The following GPC6 variants were observed in gnomAD, a reference collection of about 807,000 sequenced individuals.
GPC6 encodes the protein glypican-6.
Under a neutral mutation model 55.2 loss-of-function variants are expected in GPC6, and 14 were observed. That is an observed-to-expected ratio of 0.25 (90% CI 0.17 to 0.40). GPC6 has a LOEUF of 0.40. Among genes scored for constraint, GPC6 ranks in the 10% least tolerant of loss-of-function variants. GPC6 has a pLI of 1.00. For synonymous variants in GPC6, 278 were observed against 259.6 expected, an observed-to-expected ratio of 1.07 and a Z score of -0.68; for missense variants, 641 against 708.5, an observed-to-expected ratio of 0.90 and a Z score of 1.08.
chr13:93,508,770 T>G (rs2139381431), intron 1 of GPC6, among the ~76,000 whole-genome samples: 1 of 152,232 alleles, frequency 6.6e-6, no homozygotes, highest in South Asian at 2.1e-4. Flanking sequence ...AATGTGGATC[T>G]TTTCTAGGGA....
intron 6 of GPC6, among the ~76,000 whole-genome samples, chr13:94,333,258 C>A (rs1293648622): frequency 1.3e-5 from 2 of 152,146 alleles, no homozygotes; most frequent in Admixed American, 6.5e-5. Context: ...TCATATTTTG[C>A]CCTTTTCCAG....
intron 1 of GPC6, among the ~76,000 whole-genome samples, chr13:93,254,224 G>T (rs1013579247): frequency 1.3e-5 from 2 of 152,222 alleles, no homozygotes; most frequent in East Asian, 3.9e-4. Context: ...TACCGAAGAG[G>T]CTGAGAAGAG....
At chr13:93,952,382 A>G (rs1487937025) in intron 3 of GPC6, among the ~76,000 whole-genome samples, 1 of 152,144 alleles carries the variant, frequency 6.6e-6, no homozygotes. Context: ...CTAAATTAAA[A>G]TCCTGAGTTG....
intron 2 of GPC6, among the ~76,000 whole-genome samples, chr13:93,789,159 A>G (rs892585989): frequency 2.0e-5 from 3 of 152,156 alleles, no homozygotes; most frequent in African/African-American, 2.4e-5. Flanking sequence ...TCTGAAAGAG[A>G]AAATAAGAGC....
intron 6 of GPC6, among the ~76,000 whole-genome samples, chr13:94,335,471 C>T (rs1018667287): frequency 8.6e-5 from 13 of 152,024 alleles, no homozygotes; most frequent in South Asian, 4.2e-4. Flanking sequence ...GAGACCTTTA[C>T]GAATAACACA....
At chr13:93,727,198 A>T (rs979076090) in intron 2 of GPC6, among the ~76,000 whole-genome samples, 1 of 152,158 alleles carries the variant, frequency 6.6e-6, no homozygotes. Flanking sequence ...AACTCTGAAG[A>T]TAATAGTAAT....
Position 93,844,610 on chromosome 13 carries a change from T to C in GPC6, c.711+14065T>C, listed in dbSNP as rs554753086. 1.7e-4 allele frequency among the ~76,000 whole-genome samples: 25 copies of C among 150,026 alleles called. 1 individual carries two copies. Among genetic ancestry groups the C allele is most frequent in the South Asian group, 6.5e-4 (3 of 4,584 alleles). ...GTTGTAGGTTGCCTGTTCACTCTGA[T>C]GGTAGTTTCTTTTGCTGTGCAGAAG... On this transcript the variant is annotated intron_variant, in intron 3 of 8. Coordinates refer to ENST00000377047, the MANE Select transcript of GPC6 (RefSeq NM_005708.5).
chr13:93,815,368 A>G (rs1594480793), intron 2 of GPC6, among the ~76,000 whole-genome samples: 1 of 152,160 alleles, frequency 6.6e-6, no homozygotes, highest in Non-Finnish European at 1.5e-5. Flanking sequence ...AAATATAAAC[A>G]ATTTGAAATT....
rs1886117934 is a variant in GPC6, at chr13:93,793,738, ATAT to A, written c.320-36413_320-36411del. On this transcript the variant is annotated intron_variant, in intron 2 of 8. Transcript: ENST00000377047. Reference sequence around the variant, plus strand: ...ATACTAGTAGTTATCAAATAAAAAGATATTAATATCTAAGCTATAGAATTATTT... The same window carrying A: ...ATACTAGTAGTTATCAAATAAAAAGATAATATCTAAGCTATAGAATTATTT... Among the ~76,000 whole-genome samples the A allele has an allele frequency of 2.6e-5, 4 of 152,354 alleles. No homozygotes were observed. In the South Asian group the frequency reaches 8.3e-4, roughly 32 times the overall value.
chr13:93,890,163 T>C (rs1287110523), intron 3 of GPC6, among the ~76,000 whole-genome samples: 1 of 152,120 alleles, frequency 6.6e-6, no homozygotes, highest in Non-Finnish European at 1.5e-5. Context: ...ATATTTGCTG[T>C]GGTTCCTGAT....
At chr13:93,394,260 T>C (rs557973695) in intron 1 of GPC6, among the ~76,000 whole-genome samples, 1 of 152,214 alleles carries the variant, frequency 6.6e-6, no homozygotes, top group Non-Finnish European at 1.5e-5. Flanking sequence ...ATGCATTTAC[T>C]TGCACGCCTT....
At chr13:93,730,289 A>G (rs1883777298) in intron 2 of GPC6, among the ~76,000 whole-genome samples, 2 of 152,162 alleles carry the variant, frequency 1.3e-5, no homozygotes, top group Non-Finnish European at 2.9e-5. Flanking sequence ...GAGGAACAAG[A>G]CAGTTGAATA....
At position 93,755,456 on chromosome 13, in the gene GPC6, G is replaced by A. The variant is rs116743694; in HGVS notation, c.320-74698G>A. The stretch of plus-strand genomic sequence containing the variant: ...CAGATTATGTGGCAGGAATTTTAGA[G>A]CTCTGGAAAGGCCCTATTGTCATTT... On this transcript the variant is annotated intron_variant, in intron 2 of 8. Coordinates refer to ENST00000377047, the MANE Select transcript of GPC6 (RefSeq NM_005708.5). 8.9e-4 allele frequency among the ~76,000 whole-genome samples: 136 copies of A among 152,286 alleles called. 1 individual carries two copies. Among genetic ancestry groups the A allele is most frequent in the African/African-American group, 3.0e-3 (125 of 41,568 alleles).
chr13:94,296,611 T>C (rs1875347636), intron 5 of GPC6, among the ~76,000 whole-genome samples: 1 of 152,238 alleles, frequency 6.6e-6, no homozygotes, highest in Non-Finnish European at 1.5e-5. Flanking sequence ...TGTGGTGATA[T>C]GCAATCTGGT....
rs141565741 is a variant in GPC6 at position 93,993,595 on chromosome 13, C to G, written c.712-34134C>G. Among the ~76,000 whole-genome samples the G allele has an allele frequency of 2.5e-3, 377 of 152,210 alleles. 1 individual carries two copies. The highest frequency in any genetic ancestry group is 8.7e-3 in the African/African-American group (363 of 41,546). On this transcript the variant is annotated intron_variant, in intron 3 of 8. Transcript: ENST00000377047. ...ACAGGCATGAGCCAGTGCACCCAGACTCTTATTTTTTCAAAATAAGCTATT... is the reference window on the plus strand; with the variant it reads ...ACAGGCATGAGCCAGTGCACCCAGAGTCTTATTTTTTCAAAATAAGCTATT...
chr13:93,291,280 G>A (rs1042637592), intron 1 of GPC6, among the ~76,000 whole-genome samples: 8 of 152,166 alleles, frequency 5.3e-5, no homozygotes, highest in Non-Finnish European at 1.2e-4. Flanking sequence ...AGTGCTGGCA[G>A]TATGAGTCAA....
chr13:94,149,695 T>C (rs1459175857), intron 4 of GPC6, among the ~76,000 whole-genome samples: 1 of 152,048 alleles, frequency 6.6e-6, no homozygotes, highest in African/African-American at 2.4e-5. Context: ...AGAAAAATGC[T>C]TAGTCAGAGG....
Position 93,830,413 on chromosome 13 carries a change from C to A in GPC6, c.579C>A (p.Tyr193Ter). Residue 193 changes from tyrosine (Y) to a stop codon, truncating the protein, a stop_gained, in exon 3 of 9, where the codon TAC (tyrosine) becomes TAA (stop). Transcript: ENST00000377047. LOFTEE classifies it high-confidence loss of function. ...ACTACCTGGAATGTGTGAGCAAATA[C>A]ACTGACCAGCTCAAGCCATTTGGAG... ...SEDYLECVSK[Y>*]TDQLKPFGDV... The A allele has an allele frequency of 1.2e-6, 2 of 1,613,898 alleles. No homozygotes were observed. The highest frequency in any genetic ancestry group is 1.7e-6 in the Non-Finnish European group (2 of 1,179,956).
chr13:93,382,256 T>G (rs558005226), intron 1 of GPC6, among the ~76,000 whole-genome samples: 2 of 152,302 alleles, frequency 1.3e-5, no homozygotes, highest in African/African-American at 4.8e-5. Flanking sequence ...CTAATTATCT[T>G]GAATCCTAGA....
Sources: allele counts gnomAD v4.1 joint callset (sites outside exome capture counted in the v4.1 genomes callset), GRCh38; gene constraint gnomAD v4.1.1; transcripts MANE v1.5; gene names NCBI Gene and HGNC (gene_info 2026-07-23, HGNC 2026-07-21).